PARVB: variants seen among roughly 807,000 people sequenced by gnomAD.
PARVB encodes parvin beta, also known as beta-parvin.
In PARVB, 46 loss-of-function variants were observed where a neutral mutation model predicts 47.0. The observed-to-expected ratio is 0.98, with a 90% CI of 0.77 to 1.25. The LOEUF is 1.25. PARVB is among the 50% of genes most tolerant of loss of function. PARVB has a pLI of 0.00. For missense variants in PARVB, 473 were observed against 471.6 expected, an observed-to-expected ratio of 1.00 and a Z score of -0.03; for synonymous variants, 196 against 196.3, an observed-to-expected ratio of 1.00 and a Z score of 0.01.
intron 4 of PARVB, among the ~76,000 whole-genome samples, chr22:44,128,076 C>A (rs1247318739): frequency 6.6e-6 from 1 of 152,234 alleles, no homozygotes; most frequent in Non-Finnish European, 1.5e-5. Context: ...AGCCACTACA[C>A]CCAGCCGAAT....
rs1457561739 is a variant in PARVB at position 44,131,500 on chromosome 22, G to A, written c.390G>A (p.Gly130=). The part of the protein sequence containing the change: ...VLQKLLEKLA[G]CKLNVAEVTQ... ...TTCTCATTGCAGAAAAACTGGCAGG[G>A]TGCAAGCTGAATGTGGCTGAGGTGA... is the stretch of plus-strand genomic sequence containing the variant. Residue 130 remains glycine, a synonymous_variant, in exon 5 of 13, where the codon GGG becomes GGA. Transcript: ENST00000338758. 7.4e-6 allele frequency: 12 copies of A among 1,613,852 alleles called. No individual in the cohort carries two copies. The highest frequency in any genetic ancestry group is 1.0e-5 in the Non-Finnish European group (12 of 1,179,988).
intron 1 of PARVB, among the ~76,000 whole-genome samples, chr22:44,092,098 C>T (rs770014512): frequency 1.3e-5 from 2 of 151,950 alleles, no homozygotes; most frequent in Admixed American, 6.6e-5. Flanking sequence ...ATTCCATGTG[C>T]GGAAACATGG....
rs1159291733 is a variant in PARVB, at chr22:44,125,629, G to A, written c.377-5858G>A. 3.9e-5 allele frequency among the ~76,000 whole-genome samples: 6 copies of A among 152,168 alleles called. No individual in the cohort carries two copies. The highest frequency in any genetic ancestry group is 7.3e-5 in the Non-Finnish European group (5 of 68,030). ...AGGAGCAGTGAAAAGAAGCGGAGGC[G>A]GGGCCCAGGTGGCAGAGAGGGAGGG... On this transcript the variant is annotated intron_variant, in intron 4 of 12. Coordinates refer to ENST00000338758, the MANE Select transcript of PARVB (RefSeq NM_013327.5). This position sits in a 1 kb window ranked among gnomAD's most constrained non-coding sequence, Gnocchi z 4.1.
upstream of PARVB, among the ~76,000 whole-genome samples, chr22:44,019,813 T>C (rs141133868): frequency 5.1e-3 from 777 of 152,244 alleles, 9 homozygotes; most frequent in African/African-American, 0.018. Context: ...CAGGCCCGAC[T>C]CCCAACACGG....
intron 3 of PARVB, chr22:44,107,912 C>T (rs200866666): frequency 2.0e-5 from 3 of 151,474 alleles, no homozygotes; most frequent in Non-Finnish European, 4.4e-5. Flanking sequence ...CTCACACTGT[C>T]GGCCAGGCTA....
At chr22:44,154,054 G>A (rs2053866254) in intron 10 of PARVB, among the ~76,000 whole-genome samples, 1 of 152,196 alleles carries the variant, frequency 6.6e-6, no homozygotes, top group Non-Finnish European at 1.5e-5. Flanking sequence ...CTGTCATGGG[G>A]CGTGTGAGGG....
chr22:44,003,305 C>T (rs755670223), intron 2 of PARVB, among the ~76,000 whole-genome samples: 2 of 152,210 alleles, frequency 1.3e-5, no homozygotes, highest in South Asian at 2.1e-4. Context: ...TTCATCTAAA[C>T]GTAATTTCCC....
intron 2 of PARVB, among the ~76,000 whole-genome samples, chr22:44,098,505 G>A (rs368408832): frequency 2.0e-4 from 30 of 152,286 alleles, no homozygotes; most frequent in South Asian, 1.2e-3. Flanking sequence ...AGGGAAGGCC[G>A]GATGGGCTGG....
intron 2 of PARVB, among the ~76,000 whole-genome samples, chr22:44,011,071 G>A (rs528504828): frequency 5.3e-5 from 8 of 151,874 alleles, no homozygotes; most frequent in South Asian, 4.2e-4. Context: ...TGATCCTCCC[G>A]CCTCGGCCTC....
intron 4 of PARVB, among the ~76,000 whole-genome samples, chr22:44,129,477 A>G (rs557571596): frequency 6.6e-6 from 1 of 152,332 alleles, no homozygotes; most frequent in African/African-American, 2.4e-5. Context: ...GGATGGTGGC[A>G]GGTGCAACGG....
At chr22:44,024,292 G>C (rs1312045392), upstream of PARVB, 27 of 945,806 alleles carry the variant, frequency 2.9e-5, no homozygotes, top group East Asian at 1.2e-3. Context: ...CGGGGCGACC[G>C]GGCGGCTCCA....
At chr22:44,086,588 C>A in intron 1 of PARVB, 1 of 190,070 alleles carries the variant, frequency 5.3e-6, no homozygotes, top group Non-Finnish European at 9.7e-6. Context: ...TTCTGGATGT[C>A]AGAAAAGACT....
intron 11 of PARVB, among the ~76,000 whole-genome samples, chr22:44,163,323 C>T (rs1772400520): frequency 6.6e-6 from 1 of 152,042 alleles, no homozygotes; most frequent in Non-Finnish European, 1.5e-5. Context: ...AATAATAATA[C>T]AAAAATTAGC....
At chr22:44,085,731 A>G (rs2052009817) in intron 1 of PARVB, among the ~76,000 whole-genome samples, 3 of 152,238 alleles carry the variant, frequency 2.0e-5, no homozygotes, top group Admixed American at 6.5e-5. Flanking sequence ...GGAAGTGACC[A>G]GGATACGTCT....
chr22:44,107,176 T>G (rs1005942924), intron 3 of PARVB: 2 of 152,286 alleles, frequency 1.3e-5, no homozygotes, highest in African/African-American at 4.8e-5. Context: ...TTCAGGAGCC[T>G]GGAAGACTTA....
In PARVB at chr22:44,075,663, C is replaced by T. The variant is rs1853551843; in HGVS notation, c.113-18265C>T. On this transcript the variant is annotated intron_variant, in intron 1 of 12. Coordinates refer to ENST00000338758, the MANE Select transcript of PARVB (RefSeq NM_013327.5). ...TCACTGTCTCCGTAGTTTTGCCTGC[C>T]CCACAGGGTCGTGCAGTTGGGATCA... Among the ~76,000 whole-genome samples, 2 of 152,214 alleles carry T rather than the reference C, an allele frequency of 1.3e-5. 1 individual carries two copies. The highest frequency in any genetic ancestry group is 4.1e-4 in the South Asian group (2 of 4,834).
chr22:44,140,005 C>T (rs2053518537), intron 7 of PARVB, 119 bp from the exon 8 acceptor site: 1 of 108,136 alleles, frequency 9.2e-6, no homozygotes. Flanking sequence ...TAGGCCTTTA[C>T]CTGGGCAGCG....
chr22:44,014,251 T>C (rs9625971), intron 2 of PARVB, among the ~76,000 whole-genome samples: 5,273 of 152,322 alleles, frequency 0.035, 128 homozygotes, highest in African/African-American at 0.063. Flanking sequence ...GGAGGTTGAC[T>C]GAGATCACAC....
intron 2 of PARVB, among the ~76,000 whole-genome samples, chr22:44,019,134 C>T (rs1038534240): frequency 5.9e-5 from 9 of 152,190 alleles, no homozygotes; most frequent in African/African-American, 2.2e-4. Flanking sequence ...CCAGGCTGGT[C>T]TCGAACTTGT....
Sources: allele counts gnomAD v4.1 joint callset (sites outside exome capture counted in the v4.1 genomes callset), GRCh38; gene constraint gnomAD v4.1.1; non-coding constraint Gnocchi (gnomAD v3.1); transcripts MANE v1.5; gene names NCBI Gene and HGNC (gene_info 2026-07-23, HGNC 2026-07-21).